Variants in RERE observed in about 807,000 individuals in gnomAD.
RERE encodes the protein arginine-glutamic acid dipeptide repeats, also known as arginine-glutamic acid dipeptide repeats protein.
Under a neutral mutation model 146.1 loss-of-function variants are expected in RERE, and 40 were observed. The observed-to-expected ratio is 0.27, with a 90% CI of 0.21 to 0.36. RERE has a LOEUF of 0.36. RERE is among the 10% of genes least tolerant of loss of function. The pLI is 1.00. For synonymous variants in RERE, 1,003 were observed against 866.0 expected (o/e 1.16, Z -2.78); for missense variants, 1,933 against 2,138.7 (o/e 0.90, Z 1.90).
chr1:8,750,739 G>T, intron 1 of RERE: 1 of 786,492 alleles, frequency 1.3e-6, no homozygotes. Context: ...TGAGCCCAGA[G>T]GTCTGAAAGG....
At chr1:8,393,626 G>C (rs754618943) in intron 12 of RERE, among the ~76,000 whole-genome samples, 1 of 152,142 alleles carries the variant, frequency 6.6e-6, no homozygotes, top group Non-Finnish European at 1.5e-5. Flanking sequence ...CCCAAGCGCA[G>C]GCAAGGTCCA....
rs1434339796 is a variant in RERE at position 8,557,512 on chromosome 1, G to C, written c.534C>G (p.Asp178Glu). The change falls in exon 5 of 23, where the codon GAC (aspartate) becomes GAG (glutamate). Residue 178 changes from aspartate to glutamate, a missense_variant. By Grantham distance (45) the Asp-to-Glu change is conservative (BLOSUM62 2). Around this residue, in one of 11 missense-constraint regions of RERE, gnomAD observed 74 missense variants for 99.6 expected, o/e 0.74. Coordinates refer to ENST00000400908, the MANE Select transcript of RERE (RefSeq NM_001042681.2). ...AGRGPVGSKR[D>E]HLLMNVKWYY... ...ACCATTTGACGTTCATGAGGAGATG[G>C]TCCCTCTTACTCTGAAAAGGAAAAT... 1 of 1,609,560 alleles carries C rather than the reference G, an allele frequency of 6.2e-7. No homozygotes were observed. Among genetic ancestry groups the C allele is most frequent in the Non-Finnish European group, 8.5e-7 (1 of 1,175,990 alleles).
chr1:8,508,162 A>G (rs1178690383), intron 8 of RERE, among the ~76,000 whole-genome samples: 2 of 152,238 alleles, frequency 1.3e-5, no homozygotes, highest in African/African-American at 4.8e-5. Flanking sequence ...GACACATGCT[A>G]TTAACACGGA....
chr1:8,361,587 T>C, intron 17 of RERE, 97 bp from the exon 18 acceptor site: 1 of 1,514,580 alleles, frequency 6.6e-7, no homozygotes, highest in Non-Finnish European at 9.1e-7. Flanking sequence ...TTTGTGCAGA[T>C]GAAGCAGCAA....
chr1:8,462,483 C>T (rs940328188), intron 11 of RERE, among the ~76,000 whole-genome samples: 1 of 152,190 alleles, frequency 6.6e-6, no homozygotes, highest in Non-Finnish European at 1.5e-5. Context: ...GACTGGAGAA[C>T]GAGTAGGGTC....
chr1:8,509,900 A>T (rs1480714479), intron 7 of RERE, among the ~76,000 whole-genome samples: 3 of 152,220 alleles, frequency 2.0e-5, no homozygotes, highest in Admixed American at 6.5e-5. Context: ...TGTGTTTGAA[A>T]TTGTTAAAAA....
At chr1:8,534,571 T>A (rs988181685) in intron 7 of RERE, among the ~76,000 whole-genome samples, 27 of 152,134 alleles carry the variant, frequency 1.8e-4, no homozygotes, top group African/African-American at 6.5e-4. Flanking sequence ...AATCTAGGCT[T>A]TAAAATATCA....
At chr1:8,493,129 T>C (rs1473158193) in intron 10 of RERE, among the ~76,000 whole-genome samples, 2 of 152,130 alleles carry the variant, frequency 1.3e-5, no homozygotes, top group Admixed American at 1.3e-4. Context: ...AAAGTTCCTA[T>C]CAAAGACTTT....
intron 1 of RERE, among the ~76,000 whole-genome samples, chr1:8,672,736 T>C (rs1276797409): frequency 6.6e-6 from 1 of 152,230 alleles, no homozygotes; most frequent in Non-Finnish European, 1.5e-5. Flanking sequence ...ACTTGGCTTC[T>C]GGACTCAATC....
At chr1:8,465,806 C>T (rs1190600101) in intron 11 of RERE, 119 bp downstream of exon 11, 17 of 813,948 alleles carry the variant, frequency 2.1e-5, no homozygotes, top group African/African-American at 6.7e-5. Flanking sequence ...GGCGCTGCCA[C>T]GGACAGCCAT....
At chr1:8,521,805 A>G (rs892623151) in intron 7 of RERE, among the ~76,000 whole-genome samples, 1 of 152,200 alleles carries the variant, frequency 6.6e-6, no homozygotes, top group Non-Finnish European at 1.5e-5. Context: ...CAGATGATGC[A>G]TTCATTTATT....
intron 1 of RERE, among the ~76,000 whole-genome samples, chr1:8,708,774 C>G (rs1262793838): frequency 1.3e-5 from 2 of 152,088 alleles, no homozygotes; most frequent in Non-Finnish European, 2.9e-5. Context: ...TCTTTTCTTC[C>G]CAGTCTCTGG....
chr1:8,762,431 C>G (rs1165593356), intron 1 of RERE, among the ~76,000 whole-genome samples: 3 of 152,200 alleles, frequency 2.0e-5, no homozygotes, highest in African/African-American at 7.2e-5. Flanking sequence ...CTTTTCAGCA[C>G]AAGAACTTGT....
At chr1:8,646,020 C>G (rs1349427719) in intron 2 of RERE, among the ~76,000 whole-genome samples, 2 of 152,006 alleles carry the variant, frequency 1.3e-5, no homozygotes, top group African/African-American at 2.4e-5. Context: ...CCAACTGTTC[C>G]AAAGACATAC....
intron 2 of RERE, among the ~76,000 whole-genome samples, chr1:8,638,782 A>ATTTTTTTTT (rs1557450012): frequency 4.5e-5 from 6 of 134,362 alleles, no homozygotes; most frequent in African/African-American, 1.5e-4. Flanking sequence ...GACGAAAAAA[A>ATTTTTTTTT]ATTTTTTTTT....
At chr1:8,628,838 T>C (rs969820454) in intron 2 of RERE, among the ~76,000 whole-genome samples, 1 of 152,154 alleles carries the variant, frequency 6.6e-6, no homozygotes, top group Non-Finnish European at 1.5e-5. Context: ...AATTTATGAG[T>C]GCATGGGATG....
intron 1 of RERE, among the ~76,000 whole-genome samples, chr1:8,670,843 C>T (rs897878592): frequency 6.6e-6 from 1 of 152,150 alleles, no homozygotes; most frequent in Non-Finnish European, 1.5e-5. Context: ...AGAGAAGTAA[C>T]AATCCGAGGT....
chr1:8,378,487 C>A (rs988141510), intron 12 of RERE, among the ~76,000 whole-genome samples: 2 of 152,162 alleles, frequency 1.3e-5, no homozygotes, highest in African/African-American at 2.4e-5. Flanking sequence ...CAGGCTCTTC[C>A]AAGAGGTGAT....
intron 6 of RERE, among the ~76,000 whole-genome samples, chr1:8,550,930 T>A (rs1183723893): frequency 6.6e-6 from 1 of 152,210 alleles, no homozygotes; most frequent in African/African-American, 2.4e-5. Context: ...CCTAAACATA[T>A]ACATGAACCT....
Sources: gnomAD v4.1 joint callset for allele counts (sites outside exome capture counted in the v4.1 genomes callset) on GRCh38, gnomAD v4.1.1 for gene constraint, gnomAD v4.1.1 regional missense constraint, MANE v1.5 for transcripts, NCBI Gene and HGNC (gene_info 2026-07-23, HGNC 2026-07-21) for gene names.